The following DCUN1D1 variants were observed in gnomAD, a reference collection of about 807,000 sequenced individuals.
DCUN1D1 encodes the protein DCN1-like protein 1.
A neutral mutation model predicts 39.0 loss-of-function variants in DCUN1D1; 3 were observed. The observed-to-expected ratio is 0.08, with a 90% confidence interval of 0.04 to 0.20. The LOEUF (loss-of-function observed/expected upper bound fraction) is 0.20. DCUN1D1 is among the 10% of genes least tolerant of loss of function. The probability of loss-of-function intolerance (pLI) is 1.00; values close to 1 mark genes in which losing one functional copy is unlikely to be tolerated. For synonymous variants in DCUN1D1, 82 were observed against 96.3 expected, an observed-to-expected ratio of 0.85 and a Z score of 0.87; for missense variants, 158 against 302.4, an observed-to-expected ratio of 0.52 and a Z score of 3.54.
At chr3:182,949,679 C>A (rs1726606400) in intron 4 of DCUN1D1, among the ~76,000 whole-genome samples, 1 of 152,116 alleles carries the variant, frequency 6.6e-6, no homozygotes, top group Non-Finnish European at 1.5e-5. Context: ...TATGATCATG[C>A]CACTGCACTC....
chr3:182,978,254 A>G (rs552224785), intron 1 of DCUN1D1, among the ~76,000 whole-genome samples: 73 of 152,286 alleles, frequency 4.8e-4, no homozygotes, highest in African/African-American at 1.7e-3. Flanking sequence ...TACAGACACC[A>G]AAAAACTCAC....
chr3:182,982,585 A>G (rs184502833), upstream of DCUN1D1, among the ~76,000 whole-genome samples: 15 of 152,092 alleles, frequency 9.9e-5, no homozygotes, highest in African/African-American at 3.6e-4. Flanking sequence ...TCCCTCCTAA[A>G]TGACTTTTAA....
Position 182,939,421 on chromosome 3 carries a change from C to T in DCUN1D1, c.*5673G>A, listed in dbSNP as rs1397707778. On this transcript the variant is annotated 3_prime_UTR_variant, in exon 7 of 7. Transcript: ENST00000292782. The stretch of plus-strand genomic sequence containing the variant: ...TATGAATGTTCATAGCATTATTATT[C>T]GCAATTTAAAAAAACTAATTGTAGG... 6.6e-6 allele frequency: 1 copy of T among 152,052 alleles called. No individual in the cohort carries two copies. Among genetic ancestry groups the T allele is most frequent in the Non-Finnish European group, 1.5e-5 (1 of 68,018 alleles). 9.4% of individuals were successfully genotyped at this position (152,052 alleles called of 1,614,324 possible). A position where few individuals can be genotyped will look rare whatever the true frequency, so the allele number is the denominator to read the frequency against.
chr3:182,965,515 A>C, intron 2 of DCUN1D1, 22 bp downstream of exon 2: 1 of 1,541,658 alleles, frequency 6.5e-7, no homozygotes, highest in Non-Finnish European at 8.9e-7. Context: ...AAATTTACTT[A>C]AAGTCACAAG....
At chr3:182,967,003 A>T (rs573324921) in intron 1 of DCUN1D1, among the ~76,000 whole-genome samples, 5 of 152,184 alleles carry the variant, frequency 3.3e-5, no homozygotes. Context: ...GCTACTCGGG[A>T]GGCTGAGGCA....
rs1391097780 is a variant in DCUN1D1 at position 182,945,815 on chromosome 3, A to G, written c.701-642T>C. The stretch of plus-strand genomic sequence containing the variant: ...ATTGCATATATGCATGCCTCTACAC[A>G]TTCACATGCCCATCACCAAGTCAGA... On this transcript the variant is annotated intron_variant, in intron 6 of 6. Coordinates refer to ENST00000292782, the MANE Select transcript of DCUN1D1 (RefSeq NM_020640.4). Among the ~76,000 whole-genome samples the G allele has an allele frequency of 2.0e-5, 3 of 152,236 alleles. No individual in the cohort carries two copies. The East Asian group carries it at 5.8e-4, about 29-fold the overall frequency.
chr3:182,977,413 T>C (rs530064703), intron 1 of DCUN1D1, among the ~76,000 whole-genome samples: 6 of 152,322 alleles, frequency 3.9e-5, no homozygotes, highest in African/African-American at 1.4e-4. Flanking sequence ...CCTGCCATCT[T>C]ATAAATAAAA....
intron 4 of DCUN1D1, among the ~76,000 whole-genome samples, chr3:182,952,648 T>C (rs1577166394): frequency 6.6e-6 from 1 of 151,872 alleles, no homozygotes; most frequent in African/African-American, 2.4e-5. Flanking sequence ...CTGCACCCCC[T>C]TCCCATGGCC....
intron 6 of DCUN1D1, among the ~76,000 whole-genome samples, chr3:182,945,933 AACG>A (rs1726374844): frequency 1.3e-5 from 2 of 152,146 alleles, no homozygotes; most frequent in Admixed American, 1.3e-4. Context: ...GAAGATTATA[AACG>A]ACAACGAAAT....
At chr3:182,975,082 A>G (rs573927418) in intron 1 of DCUN1D1, among the ~76,000 whole-genome samples, 7 of 152,236 alleles carry the variant, frequency 4.6e-5, no homozygotes, top group African/African-American at 1.4e-4. Context: ...GACTTTCCTT[A>G]TGCTTGACCC....
intron 3 of DCUN1D1, among the ~76,000 whole-genome samples, chr3:182,962,933 A>T (rs1389866546): frequency 6.6e-6 from 1 of 152,124 alleles, no homozygotes; most frequent in Non-Finnish European, 1.5e-5. Flanking sequence ...GGCATGTGCC[A>T]CTATGCCCAG....
chr3:182,947,766 TA>T, intron 4 of DCUN1D1, 134 bp from the exon 5 acceptor site: 1 of 573,286 alleles, frequency 1.7e-6, no homozygotes. Context: ...AATACTTATG[TA>T]TTAAAAATTT....
chr3:182,966,860 A>G (rs1727692995), intron 1 of DCUN1D1, among the ~76,000 whole-genome samples: 1 of 152,210 alleles, frequency 6.6e-6, no homozygotes, highest in Non-Finnish European at 1.5e-5. Flanking sequence ...TAATCCCAGC[A>G]CCTTGGGAGG....
rs966841740 is a variant in DCUN1D1, at chr3:182,938,357, T to C, written c.*6737A>G. On this transcript the variant is annotated 3_prime_UTR_variant, in exon 7 of 7. Transcript: ENST00000292782. ...ATCTTATTTGAATCCTGACTTGAATTGGAAAAAAAAAAAAAAAGGCACAAC... is the reference window on the plus strand; with the variant it reads ...ATCTTATTTGAATCCTGACTTGAATCGGAAAAAAAAAAAAAAAGGCACAAC... 6.7e-6 allele frequency: 1 copy of C among 148,204 alleles called. No individual in the cohort carries two copies. Among genetic ancestry groups the C allele is most frequent in the African/African-American group, 2.5e-5 (1 of 39,972 alleles). 9.2% of individuals were successfully genotyped at this position (148,204 alleles called of 1,614,324 possible).
upstream of DCUN1D1, among the ~76,000 whole-genome samples, chr3:182,985,350 C>T (rs938939735): frequency 2.6e-5 from 4 of 152,312 alleles, no homozygotes; most frequent in South Asian, 2.1e-4. Flanking sequence ...ATGCTAAGGC[C>T]GGACTTGGTG....
chr3:182,961,108 A>G (rs1727359297), intron 4 of DCUN1D1, 118 bp downstream of exon 4: 7 of 748,768 alleles, frequency 9.3e-6, no homozygotes, highest in Non-Finnish European at 1.3e-5. Context: ...TTACTTTTCA[A>G]TAACTGGTAT....
intron 4 of DCUN1D1, among the ~76,000 whole-genome samples, chr3:182,960,531 C>T (rs1335253373): frequency 6.6e-6 from 1 of 152,176 alleles, no homozygotes; most frequent in Admixed American, 6.5e-5. Context: ...CATATCCCAC[C>T]TTGTCCAGGA....
chr3:182,950,443 G>C (rs1024673784), intron 4 of DCUN1D1, among the ~76,000 whole-genome samples: 15 of 151,894 alleles, frequency 9.9e-5, no homozygotes, highest in Non-Finnish European at 1.3e-4. Flanking sequence ...ACCGCGCCCA[G>C]CCAAGTTATC....
rs1254884193 is a variant in DCUN1D1, at chr3:182,942,316, A to G, written c.*2778T>C. 6.6e-6 allele frequency: 1 copy of G among 152,132 alleles called. No homozygotes were observed. Among genetic ancestry groups the G allele is most frequent in the Admixed American group, 6.6e-5 (1 of 15,256 alleles). The allele number at this position is 152,132 out of a possible 1,614,324, so 9.4% of individuals were successfully genotyped here. On this transcript the variant is annotated 3_prime_UTR_variant, in exon 7 of 7. Transcript: ENST00000292782. ...ATTCTTCCTAGAAAAGTTTTCAGGT[A>G]TATTTTAAATCTATAAAAAAAATAC... is the stretch of plus-strand genomic sequence containing the variant.
Sources: gnomAD v4.1 joint callset for allele counts (sites outside exome capture counted in the v4.1 genomes callset) on GRCh38, gnomAD v4.1.1 for gene constraint, MANE v1.5 for transcripts, NCBI Gene and HGNC (gene_info 2026-07-23, HGNC 2026-07-21) for gene names.